NPHP1: variants seen among roughly 807,000 people sequenced by gnomAD.
The protein encoded by NPHP1 is nephrocystin-1.
Under a neutral mutation model 90.4 loss-of-function variants are expected in NPHP1, and 70 were observed. The observed-to-expected ratio is 0.77, with a 90% CI of 0.64 to 0.95. The LOEUF (loss-of-function observed/expected upper bound fraction) is 0.95, where lower values mean the gene tolerates loss of function less well. NPHP1 is among the 40% of genes least tolerant of loss of function. The probability of loss-of-function intolerance (pLI) is 0.00; values close to 1 mark genes in which losing one functional copy is unlikely to be tolerated. For missense variants in NPHP1, 764 were observed against 795.9 expected, an observed-to-expected ratio of 0.96 and a Z score of 0.48; for synonymous variants, 256 against 271.7, an observed-to-expected ratio of 0.94 and a Z score of 0.57.
chr2:110,161,649 G>A lies in NPHP1; in HGVS notation c.908C>T (p.Ser303Leu). The change falls in exon 10 of 20, where the codon TCA becomes TTA. Residue 303 changes from serine (S) to leucine (L), a missense_variant. Ser to Leu is a moderately radical substitution (Grantham distance 145). Coordinates refer to ENST00000445609, the MANE Select transcript of NPHP1 (RefSeq NM_001128178.3). ...NYFLQPELMP[S>L]QLAFRDLMWD... The stretch of plus-strand genomic sequence containing the variant: ...CATCAGATCTCTGAAGGCCAGTTGT[G>A]AAGGCATGAGCTCTGGTTGTAAGAA... 1 of 1,613,358 alleles carries A rather than the reference G, an allele frequency of 6.2e-7. No individual in the cohort carries two copies. The highest frequency in any genetic ancestry group is 8.5e-7 in the Non-Finnish European group (1 of 1,179,414).
intron 16 of NPHP1, among the ~76,000 whole-genome samples, chr2:110,137,542 G>T (rs1680290889): frequency 6.6e-6 from 1 of 152,116 alleles, no homozygotes; most frequent in Non-Finnish European, 1.5e-5. Context: ...CTCAAAAGAA[G>T]ACATTTATGC....
chr2:110,147,893 G>A, intron 13 of NPHP1, 23 bp downstream of exon 13: 1 of 1,311,980 alleles, frequency 7.6e-7, no homozygotes, highest in Non-Finnish European at 1.1e-6. Context: ...ACATTAGAAA[G>A]CCTTATCTTT....
intron 11 of NPHP1, among the ~76,000 whole-genome samples, chr2:110,154,898 C>A (rs192376770): frequency 1.3e-5 from 2 of 152,158 alleles, no homozygotes; most frequent in Non-Finnish European, 2.9e-5. Flanking sequence ...TTCAAGCCGG[C>A]TGCAGAAATT....
At chr2:110,164,183 T>C (rs1574127337) in intron 8 of NPHP1, 1 of 334,864 alleles carries the variant, frequency 3.0e-6, no homozygotes, top group Non-Finnish European at 5.7e-6. Flanking sequence ...ACTACAGGCA[T>C]GAGCCACCAC....
Position 110,168,482 on chromosome 2 carries a change from A to C in NPHP1, c.594T>G (p.Asn198Lys). Reference sequence around the variant, plus strand: ...GGTAGGTTCTGGGAACAAGACCTTCATTTCCTTTGGCATCCTTAGCTATCC... The same window carrying C: ...GGTAGGTTCTGGGAACAAGACCTTCCTTTCCTTTGGCATCCTTAGCTATCC... Reference protein sequence around the residue: ...GWWIAKDAKGNEGLVPRTYLE... With the variant: ...GWWIAKDAKGKEGLVPRTYLE... Residue 198 changes from asparagine (N) to lysine (K), a missense_variant, in exon 6 of 20, where the codon AAT (asparagine) becomes AAG (lysine). Transcript: ENST00000445609. 1 of 1,613,222 alleles carries C rather than the reference A, an allele frequency of 6.2e-7. No individual in the cohort carries two copies. The highest frequency in any genetic ancestry group is 8.5e-7 in the Non-Finnish European group (1 of 1,179,290).
In NPHP1 at chr2:110,179,818, A is replaced by G. The variant is rs1172927160; in HGVS notation, c.144-134T>C. 7.6e-6 allele frequency: 4 copies of G among 528,630 alleles called. No homozygotes were observed. The Admixed American group carries it at 9.3e-5, about 12-fold the overall frequency. 32.7% of individuals were successfully genotyped at this position (528,630 alleles called of 1,614,324 possible). A position where few individuals can be genotyped will look rare whatever the true frequency, so the allele number is the denominator to read the frequency against. On this transcript the variant is annotated intron_variant, in intron 2 of 19. Coordinates refer to ENST00000445609, the MANE Select transcript of NPHP1 (RefSeq NM_001128178.3). ...ATGAACAATACTAAAAAACTGACAT[A>G]TAAATGCTTTTCCACCTATTAGCTC...
intron 8 of NPHP1, 136 bp from the exon 9 acceptor site, chr2:110,163,271 T>A (rs955171493): frequency 4.3e-6 from 3 of 705,788 alleles, no homozygotes. Context: ...ATAATACGAT[T>A]TGGCCCCAAA....
intron 2 of NPHP1, among the ~76,000 whole-genome samples, chr2:110,180,035 A>G (rs1472009418): frequency 6.6e-6 from 1 of 152,194 alleles, no homozygotes; most frequent in African/African-American, 2.4e-5. Flanking sequence ...AATAGTACCT[A>G]AAGTTTACTG....
chr2:110,181,582 AAAC>A lies in NPHP1; in HGVS notation c.144-1901_144-1899del, dbSNP rs201825314. Among the ~76,000 whole-genome samples the A allele has an allele frequency of 5.5e-3, 831 of 152,282 alleles. 13 individuals are homozygous for A. Among genetic ancestry groups the A allele is most frequent in the African/African-American group, 0.017 (709 of 41,554 alleles). ...GACTGTTAAAAGAAAAACAAACAGAAAACAACAACAACAACATCAACAATAAAA... is the reference window on the plus strand; with the variant it reads ...GACTGTTAAAAGAAAAACAAACAGAAAACAACAACAACATCAACAATAAAA... On this transcript the variant is annotated intron_variant, in intron 2 of 19. Coordinates refer to ENST00000445609, the MANE Select transcript of NPHP1 (RefSeq NM_001128178.3).
intron 19 of NPHP1, 150 bp downstream of exon 19, chr2:110,125,487 T>A (rs1679284396): frequency 8.9e-7 from 1 of 1,128,296 alleles, no homozygotes; most frequent in African/African-American, 1.5e-5. Context: ...CCTCTTGGAA[T>A]GTGTTTTTGC....
At chr2:110,184,218 G>T in intron 2 of NPHP1, 1 of 571,852 alleles carries the variant, frequency 1.7e-6, no homozygotes, top group South Asian at 1.4e-5. Flanking sequence ...CCTTGAAGGT[G>T]ACATCTTCAT....
At chr2:110,133,851 C>T (rs1679970369) in intron 16 of NPHP1, among the ~76,000 whole-genome samples, 1 of 151,584 alleles carries the variant, frequency 6.6e-6, no homozygotes, top group Non-Finnish European at 1.5e-5. Context: ...ACACAACATA[C>T]CAAAATTTAC....
chr2:110,156,307 G>T (rs1177234577), intron 11 of NPHP1, among the ~76,000 whole-genome samples: 9 of 152,000 alleles, frequency 5.9e-5, no homozygotes, highest in Admixed American at 3.3e-4. Flanking sequence ...TTTAAAAATG[G>T]GAGTTTTCCC....
intron 10 of NPHP1, 32 bp downstream of exon 10, chr2:110,161,571 G>A: frequency 7.3e-7 from 1 of 1,378,456 alleles, no homozygotes; most frequent in Non-Finnish European, 1.0e-6. Context: ...ATCTGGAAGA[G>A]TTACACTTTT....
At position 110,201,308 on chromosome 2, in the gene NPHP1, C is replaced by T; in HGVS notation, c.143+113G>A. 3 of 780,702 alleles carry T rather than the reference C, an allele frequency of 3.8e-6. No individual in the cohort carries two copies. The South Asian group carries it at 4.4e-5, about 11-fold the overall frequency. The allele number at this position is 780,702 out of a possible 1,614,324, so 48.4% of individuals were successfully genotyped here. On this transcript the variant is annotated intron_variant, in intron 2 of 19. Coordinates refer to ENST00000445609, the MANE Select transcript of NPHP1 (RefSeq NM_001128178.3). ...GGTTTCTTCTACATTCAACTTACAA[C>T]ACTATGTGATTCTTCCATTTGATTC...
chr2:110,139,012 A>G (rs1470857886), intron 16 of NPHP1, among the ~76,000 whole-genome samples: 1 of 152,124 alleles, frequency 6.6e-6, no homozygotes, highest in Non-Finnish European at 1.5e-5. Context: ...TGAATTAAGT[A>G]AGTAAAAATA....
chr2:110,177,731 T>C (rs1159660755), intron 4 of NPHP1, among the ~76,000 whole-genome samples: 2 of 150,452 alleles, frequency 1.3e-5, no homozygotes, highest in Non-Finnish European at 2.9e-5. Context: ...AAACAATGCA[T>C]GTCCCTACTT....
At chr2:110,125,451 C>A in intron 19 of NPHP1, 186 bp downstream of exon 19, 1 of 1,133,518 alleles carries the variant, frequency 8.8e-7, no homozygotes, top group Non-Finnish European at 1.3e-6. Context: ...TATTCCTTCT[C>A]ACATTAGCTA....
In NPHP1 at chr2:110,178,473, G is replaced by A; in HGVS notation, c.279C>T (p.Thr93=). ...TCACAGCAAGGCCCTGCAGTTGTTG[G>A]GTAAGCTTGTCCAAAAGAGTATGCT... ...EEEHTLLDKL[T]QQLQGLAVTI... Residue 93 remains threonine, a synonymous_variant, in exon 4 of 20, where the codon ACC becomes ACT. Transcript: ENST00000445609. The A allele has an allele frequency of 6.2e-7, 1 of 1,613,782 alleles. No individual in the cohort carries two copies. Among genetic ancestry groups the A allele is most frequent in the South Asian group, 1.1e-5 (1 of 91,062 alleles).
Sources: gnomAD v4.1 joint callset for allele counts (sites outside exome capture counted in the v4.1 genomes callset) on GRCh38, gnomAD v4.1.1 for gene constraint, MANE v1.5 for transcripts, NCBI Gene and HGNC (gene_info 2026-07-23, HGNC 2026-07-21) for gene names.